ANKRD11: variants seen among roughly 807,000 people sequenced by gnomAD.
ANKRD11 encodes ankyrin repeat domain 11.
In ANKRD11, 17 loss-of-function variants were observed where a neutral mutation model predicts 195.7. That is an observed-to-expected ratio of 0.09 (90% CI 0.06 to 0.13). ANKRD11 has a LOEUF of 0.13. Among genes scored for constraint, ANKRD11 ranks in the 10% least tolerant of loss-of-function variants. ANKRD11 has a pLI of 1.00. For synonymous variants in ANKRD11, 1,953 were observed against 1,528.1 expected, an observed-to-expected ratio of 1.28 and a Z score of -6.49; for missense variants, 3,735 against 3,566.1, an observed-to-expected ratio of 1.05 and a Z score of -1.21.
chr16:89,401,070 G>A (rs1020818894), intron 2 of ANKRD11, among the ~76,000 whole-genome samples: 8 of 152,098 alleles, frequency 5.3e-5, no homozygotes, highest in Non-Finnish European at 1.2e-4. Context: ...TCTCAGTAAT[G>A]TTATATATTT....
At chr16:89,420,123 C>T (rs1431336651) in intron 1 of ANKRD11, 1 of 152,256 alleles carries the variant, frequency 6.6e-6, no homozygotes, top group African/African-American at 2.4e-5. Flanking sequence ...TGTGAATACG[C>T]AGCTTCTAGT....
At chr16:89,278,435 C>T (rs528357575) in intron 9 of ANKRD11, 3 of 432,704 alleles carry the variant, frequency 6.9e-6, no homozygotes, top group African/African-American at 6.0e-5. Context: ...TGGGCCCAGA[C>T]GTAGCGCAAG....
chr16:89,325,471 A>ACT (rs5818709), intron 2 of ANKRD11, among the ~76,000 whole-genome samples: 4 of 117,388 alleles, frequency 3.4e-5, no homozygotes, highest in Non-Finnish European at 1.8e-5. Context: ...TCTCTCTCTC[A>ACT]CACACACACA....
chr16:89,490,066 G>A (rs1345474336), intron 1 of ANKRD11, among the ~76,000 whole-genome samples, 179 bp downstream of exon 1: 3 of 137,512 alleles, frequency 2.2e-5, no homozygotes, highest in African/African-American at 8.1e-5. Context: ...ACCCATTATT[G>A]GTCCCTCACG....
intron 2 of ANKRD11, among the ~76,000 whole-genome samples, chr16:89,383,111 C>T (rs1248150877): frequency 6.6e-6 from 1 of 152,238 alleles, no homozygotes; most frequent in Non-Finnish European, 1.5e-5. Context: ...GTTTTAAAAG[C>T]TGGGTGTGCT....
At chr16:89,421,094 T>A (rs2042491655) in intron 1 of ANKRD11, among the ~76,000 whole-genome samples, 2 of 151,596 alleles carry the variant, frequency 1.3e-5, no homozygotes. Context: ...GATGGGACCA[T>A]CACCCATCCA....
At chr16:89,310,059 C>A (rs1029865527) in intron 3 of ANKRD11, among the ~76,000 whole-genome samples, 13 of 152,216 alleles carry the variant, frequency 8.5e-5, no homozygotes, top group African/African-American at 2.9e-4. Flanking sequence ...TGAAAAATGG[C>A]CACGTCCAGT....
intron 2 of ANKRD11, among the ~76,000 whole-genome samples, chr16:89,344,466 T>C (rs1487887570): frequency 6.6e-6 from 1 of 152,140 alleles, no homozygotes; most frequent in Non-Finnish European, 1.5e-5. Context: ...AAAATATCCA[T>C]CTGTCTGAAG....
intron 1 of ANKRD11, among the ~76,000 whole-genome samples, chr16:89,487,955 T>TAAAA (rs2057676552): frequency 6.6e-6 from 1 of 151,352 alleles, no homozygotes; most frequent in Non-Finnish European, 1.5e-5. Flanking sequence ...GAGGGTGTGA[T>TAAAA]GGCACTGCTG....
intron 2 of ANKRD11, among the ~76,000 whole-genome samples, chr16:89,407,433 A>G (rs1438653375): frequency 1.3e-5 from 2 of 152,140 alleles, no homozygotes; most frequent in African/African-American, 4.8e-5. Context: ...CCTTCCCAGC[A>G]TTTCCTGCCA....
At chr16:89,415,850 A>AAAAC (rs928499930) in intron 2 of ANKRD11, among the ~76,000 whole-genome samples, 1 of 147,384 alleles carries the variant, frequency 6.8e-6, no homozygotes, top group Admixed American at 6.8e-5. Flanking sequence ...AAAAAAAAAA[A>AAAAC]CAATGGAGAA....
chr16:89,304,146 G>T (rs1035167318), intron 4 of ANKRD11, among the ~76,000 whole-genome samples: 7 of 152,200 alleles, frequency 4.6e-5, no homozygotes, highest in African/African-American at 1.2e-4. Flanking sequence ...AGCAAGCACG[G>T]CCAGCGCAGA....
intron 2 of ANKRD11, among the ~76,000 whole-genome samples, chr16:89,387,589 C>T (rs2040973130): frequency 6.7e-6 from 1 of 148,330 alleles, no homozygotes; most frequent in Non-Finnish European, 1.5e-5. Context: ...AGGAGAATGG[C>T]GGGAACCCGG....
intron 2 of ANKRD11, among the ~76,000 whole-genome samples, chr16:89,375,563 G>A (rs961975102): frequency 2.9e-4 from 44 of 151,894 alleles, no homozygotes; most frequent in African/African-American, 5.6e-4. Flanking sequence ...AGGCCCAAGC[G>A]ATTCTCCTGT....
chr16:89,461,626 C>A (rs1453350959), intron 1 of ANKRD11, among the ~76,000 whole-genome samples: 1 of 152,136 alleles, frequency 6.6e-6, no homozygotes, highest in Non-Finnish European at 1.5e-5. Context: ...CAGGCGTGAG[C>A]CACCACACCC....
chr16:89,290,565 T>A (rs1302908698), intron 6 of ANKRD11, 60 bp downstream of exon 6: 2 of 1,544,898 alleles, frequency 1.3e-6, no homozygotes, highest in Non-Finnish European at 1.7e-6. Context: ...AGGACTCCAC[T>A]GGGGGAGGCT....
intron 1 of ANKRD11, among the ~76,000 whole-genome samples, chr16:89,465,628 G>A (rs1339825212): frequency 2.6e-5 from 4 of 152,180 alleles, no homozygotes. Flanking sequence ...ACCAGCACAC[G>A]ACTCCCATGT....
intron 2 of ANKRD11, among the ~76,000 whole-genome samples, chr16:89,371,055 G>A (rs565885246): frequency 6.6e-6 from 1 of 152,304 alleles, no homozygotes; most frequent in East Asian, 1.9e-4. Context: ...TCATGACGAA[G>A]GGGACTTGTT....
At chr16:89,378,576 C>G (rs1003812876) in intron 2 of ANKRD11, among the ~76,000 whole-genome samples, 1 of 152,194 alleles carries the variant, frequency 6.6e-6, no homozygotes, top group Non-Finnish European at 1.5e-5. Context: ...TGGAAATAGT[C>G]TGGCTGAGAA....
Sources: gnomAD v4.1 joint callset for allele counts (sites outside exome capture counted in the v4.1 genomes callset) on GRCh38, gnomAD v4.1.1 for gene constraint, MANE v1.5 for transcripts, NCBI Gene and HGNC (gene_info 2026-07-23, HGNC 2026-07-21) for gene names.